The following EIPR1 variants were observed in gnomAD, a reference collection of about 807,000 sequenced individuals.
The protein encoded by EIPR1 is EARP and GARP complex-interacting protein 1.
In EIPR1, 25 loss-of-function variants were observed where a neutral mutation model predicts 48.1. That is an observed-to-expected ratio of 0.52 (90% CI 0.38 to 0.73). The LOEUF (loss-of-function observed/expected upper bound fraction) is 0.73. EIPR1 is among the 30% of genes least tolerant of loss of function. The probability of loss-of-function intolerance (pLI) is 0.00; values close to 1 mark genes in which losing one functional copy is unlikely to be tolerated. For synonymous variants in EIPR1, 204 were observed against 201.9 expected (o/e 1.01, Z -0.09); for missense variants, 415 against 506.2 (o/e 0.82, Z 1.73).
chr2:3,289,120 C>T (rs1572400799), intron 3 of EIPR1, among the ~76,000 whole-genome samples: 2 of 152,202 alleles, frequency 1.3e-5, no homozygotes, highest in African/African-American at 2.4e-5. Flanking sequence ...ATCTCCCCAC[C>T]GGTTTCAGGG....
At chr2:3,194,908 G>A (rs1664756474) in intron 6 of EIPR1, among the ~76,000 whole-genome samples, 4 of 152,340 alleles carry the variant, frequency 2.6e-5, no homozygotes, top group South Asian at 2.1e-4. Flanking sequence ...TCGCTCCAGG[G>A]TGGGAGAAGG....
rs1051202869 is a variant in EIPR1, at chr2:3,214,303, G to A, written c.417-55C>T. Reference sequence around the variant, plus strand: ...CATAAACATTTGAGATACCCAGGCTGGTAGGTAAGAGCTGTGATACATGTT... The same window carrying A: ...CATAAACATTTGAGATACCCAGGCTAGTAGGTAAGAGCTGTGATACATGTT... On this transcript the variant is annotated intron_variant, in intron 4 of 8. Transcript: ENST00000382125. The A allele has an allele frequency of 5.3e-6, 8 of 1,521,888 alleles. No homozygotes were observed. In the African/African-American group the frequency reaches 5.5e-5, roughly 10 times the overall value. The allele number at this position is 1,521,888 out of a possible 1,614,324, so 94.3% of individuals were successfully genotyped here.
rs1047720302 is a variant in EIPR1, at chr2:3,193,884, G to C, written c.821+115C>G. 1.8e-5 allele frequency: 20 copies of C among 1,128,368 alleles called. No homozygotes were observed. The East Asian group carries it at 3.5e-4, about 20-fold the overall frequency. 69.9% of individuals were successfully genotyped at this position (1,128,368 alleles called of 1,614,324 possible). A position where few individuals can be genotyped will look rare whatever the true frequency, so the allele number is the denominator to read the frequency against. On this transcript the variant is annotated intron_variant, in intron 7 of 8. Coordinates refer to ENST00000382125, the MANE Select transcript of EIPR1 (RefSeq NM_003310.5). ...TAGGAAAAATAAAACTGGGTTGATT[G>C]AATGATTCACAGCAGCACAAACTAA...
chr2:3,218,587 G>T (rs192509709), intron 4 of EIPR1, among the ~76,000 whole-genome samples: 1 of 75,764 alleles, frequency 1.3e-5, no homozygotes, highest in African/African-American at 5.1e-5. Flanking sequence ...GAGTCAGGTG[G>T]ACACCCAACA....
chr2:3,194,062 A>G lies in EIPR1; in HGVS notation c.758T>C (p.Val253Ala). Residue 253 changes from valine (V) to alanine (A), a missense_variant, in exon 7 of 9, where the codon GTG becomes GCG. Transcript: ENST00000382125. Reference sequence around the variant, plus strand: ...GACATTTCGGGTGTCCCAGAACTTCACCTTACAGTCGTCTCCGCAGCTGGC... The same window carrying G: ...GACATTTCGGGTGTCCCAGAACTTCGCCTTACAGTCGTCTCCGCAGCTGGC... Reference protein sequence around the residue: ...YLASCGDDCKVKFWDTRNVTE... With the variant: ...YLASCGDDCKAKFWDTRNVTE... The G allele has an allele frequency of 1.2e-6, 2 of 1,613,752 alleles. No homozygotes were observed. Among genetic ancestry groups the G allele is most frequent in the Non-Finnish European group, 1.7e-6 (2 of 1,179,984 alleles).
intron 4 of EIPR1, among the ~76,000 whole-genome samples, chr2:3,225,929 C>T (rs1404219485): frequency 6.6e-6 from 1 of 152,210 alleles, no homozygotes; most frequent in Admixed American, 6.5e-5. Flanking sequence ...AGCATAATGT[C>T]CTCCAGGTTC....
At position 3,310,049 on chromosome 2, in the gene EIPR1, T is replaced by C. The variant is rs541448593; in HGVS notation, c.259+27968A>G. On this transcript the variant is annotated intron_variant, in intron 3 of 8. Transcript: ENST00000382125. Reference sequence around the variant, plus strand: ...ACTGCAGACACCAGAACACAGCCACTACCCCACACAAGCAAGAACAGCCCC... The same window carrying C: ...ACTGCAGACACCAGAACACAGCCACCACCCCACACAAGCAAGAACAGCCCC... Among the ~76,000 whole-genome samples the C allele has an allele frequency of 3.9e-5, 6 of 152,182 alleles. No homozygotes were observed. The Middle Eastern group carries it at 0.014, about 345-fold the overall frequency.
At chr2:3,200,260 C>T (rs1664983162) in intron 5 of EIPR1, among the ~76,000 whole-genome samples, 1 of 152,122 alleles carries the variant, frequency 6.6e-6, no homozygotes, top group African/African-American at 2.4e-5. Context: ...CCTGTGTGCC[C>T]CCGGCCCAGC....
Position 3,269,255 on chromosome 2 carries a change from C to T in EIPR1, c.260-11800G>A, listed in dbSNP as rs571106585. 1.9e-4 allele frequency among the ~76,000 whole-genome samples: 19 copies of T among 97,794 alleles called. No homozygotes were observed. In the East Asian group the frequency reaches 3.8e-3, roughly 20 times the overall value. 64.2% of individuals were successfully genotyped at this position (97,794 alleles called of 152,430 possible). On this transcript the variant is annotated intron_variant, in intron 3 of 8. Transcript: ENST00000382125. The stretch of plus-strand genomic sequence containing the variant: ...GCACTCAGTCATCGCACTCAGTCAT[C>T]GCACTCAGTCATGGCACTCAGTCAT...
intron 5 of EIPR1, chr2:3,208,724 T>C: frequency 1.9e-6 from 3 of 1,548,538 alleles, no homozygotes; most frequent in Non-Finnish European, 2.6e-6. Flanking sequence ...CTTCCATGCG[T>C]GAGGCTCGTG....
At chr2:3,352,456 C>A (rs550051648) in intron 2 of EIPR1, among the ~76,000 whole-genome samples, 1 of 151,634 alleles carries the variant, frequency 6.6e-6, no homozygotes, top group East Asian at 2.0e-4. Context: ...CTGTTCCCGA[C>A]ACCTTTGATC....
chr2:3,266,570 TC>T (rs951840296), intron 3 of EIPR1, among the ~76,000 whole-genome samples: 5 of 152,196 alleles, frequency 3.3e-5, no homozygotes, highest in Non-Finnish European at 7.3e-5. Flanking sequence ...AACTCTCTTA[TC>T]CTCCAGGCAC....
chr2:3,304,580 C>T lies in EIPR1; in HGVS notation c.259+33437G>A, dbSNP rs1232640478. ...TTCCACTCCCGTCCTGTTCAGCCCTCCAATCCCGTCCAGTTCAACCTTCCA... is the reference window on the plus strand; with the variant it reads ...TTCCACTCCCGTCCTGTTCAGCCCTTCAATCCCGTCCAGTTCAACCTTCCA... On this transcript the variant is annotated intron_variant, in intron 3 of 8. Coordinates refer to ENST00000382125, the MANE Select transcript of EIPR1 (RefSeq NM_003310.5). Among the ~76,000 whole-genome samples, 16 of 5,730 alleles carry T rather than the reference C, an allele frequency of 2.8e-3. 6 individuals carry two copies. Among genetic ancestry groups the T allele is most frequent in the Non-Finnish European group, 3.4e-3 (10 of 2,922 alleles). The allele number at this position is 5,730 out of a possible 152,430, so 3.8% of individuals were successfully genotyped here.
At chr2:3,369,024 A>T (rs2103390888) in intron 1 of EIPR1, among the ~76,000 whole-genome samples, 1 of 152,260 alleles carries the variant, frequency 6.6e-6, no homozygotes, top group South Asian at 2.1e-4. Context: ...AATGTCACTG[A>T]CAAACAAACA....
chr2:3,215,067 C>A (rs1191555139), intron 4 of EIPR1, among the ~76,000 whole-genome samples: 1 of 152,206 alleles, frequency 6.6e-6, no homozygotes, highest in East Asian at 1.9e-4. Flanking sequence ...GACTTCCCGC[C>A]CCAGGAACAC....
At chr2:3,348,648 A>C (rs1670475089) in intron 2 of EIPR1, among the ~76,000 whole-genome samples, 1 of 152,252 alleles carries the variant, frequency 6.6e-6, no homozygotes, top group South Asian at 2.1e-4. Flanking sequence ...GAAAGTCAGC[A>C]ACTGTGACAG....
chr2:3,355,502 T>C (rs920590299), intron 1 of EIPR1, among the ~76,000 whole-genome samples: 3 of 152,194 alleles, frequency 2.0e-5, no homozygotes, highest in African/African-American at 4.8e-5. Context: ...ATGTTCAACA[T>C]TTAATCAAAA....
intron 4 of EIPR1, among the ~76,000 whole-genome samples, chr2:3,243,480 A>C (rs2103191813): frequency 6.6e-6 from 1 of 152,170 alleles, no homozygotes; most frequent in Admixed American, 6.5e-5. Flanking sequence ...AAAATACAAA[A>C]ATTAGCTGAG....
At chr2:3,248,159 G>A (rs1011825308) in intron 4 of EIPR1, among the ~76,000 whole-genome samples, 1 of 152,152 alleles carries the variant, frequency 6.6e-6, no homozygotes, top group Non-Finnish European at 1.5e-5. Context: ...GTTTAAAAGA[G>A]TCTGGGGTCT....
Sources: allele counts gnomAD v4.1 joint callset (sites outside exome capture counted in the v4.1 genomes callset), GRCh38; gene constraint gnomAD v4.1.1; transcripts MANE v1.5; gene names NCBI Gene and HGNC (gene_info 2026-07-23, HGNC 2026-07-21).